The following NCOR2 variants were observed in gnomAD, a reference collection of about 807,000 sequenced individuals.
NCOR2 encodes the protein nuclear receptor corepressor 2.
Under a neutral mutation model 262.9 loss-of-function variants are expected in NCOR2, and 81 were observed. The ratio of observed to expected loss-of-function variants is 0.31; its 90% CI spans 0.26 to 0.37. The LOEUF is 0.37. Ranked by LOEUF, NCOR2 falls within the 10% of genes least tolerant of loss-of-function variation. NCOR2 has a pLI of 1.00. For missense variants in NCOR2, 3,385 were observed against 3,621.4 expected, an observed-to-expected ratio of 0.93 and a Z score of 1.68; for synonymous variants, 1,659 against 1,559.3, an observed-to-expected ratio of 1.06 and a Z score of -1.51.
rs77444182 is a variant in NCOR2 at position 124,357,569 on chromosome 12, T to G, written c.3101-787A>C. 3.9e-3 allele frequency among the ~76,000 whole-genome samples: 595 copies of G among 152,372 alleles called. 1 individual carries two copies. Among genetic ancestry groups the G allele is most frequent in the African/African-American group, 0.013 (561 of 41,596 alleles). ...ACCTTGGCCTCCAGAGTGCTGGAATTACAGGCGTGAGCCCCCACGCCTGGC... is the reference window on the plus strand; with the variant it reads ...ACCTTGGCCTCCAGAGTGCTGGAATGACAGGCGTGAGCCCCCACGCCTGGC... On this transcript the variant is annotated intron_variant, in intron 22 of 46. Transcript: ENST00000405201.
rs2045935004 is a variant in NCOR2 at position 124,457,380 on chromosome 12, A to T, written c.706-218T>A. The stretch of plus-strand genomic sequence containing the variant: ...ACCCCCACAGCGGCCCCAGCAAGCC[A>T]GCCAAGTTTCGATTTTAGCAAATGC... On this transcript the variant is annotated intron_variant, in intron 5 of 46. Transcript: ENST00000405201. The surrounding 1 kb of genome is among the most constrained non-coding windows in gnomAD (Gnocchi z 4.0). 6.6e-6 allele frequency among the ~76,000 whole-genome samples: 1 copy of T among 151,884 alleles called. No homozygotes were observed. The highest frequency in any genetic ancestry group is 2.4e-5 in the African/African-American group (1 of 41,320).
At chr12:124,347,747 G>GC in intron 30 of NCOR2, 78 bp downstream of exon 32, 1 of 1,422,142 alleles carries the variant, frequency 7.0e-7, no homozygotes, top group Non-Finnish European at 9.7e-7. Flanking sequence ...CCACACTCTG[G>GC]CTGTGTCTCT....
At chr12:124,415,700 A>G (rs2042821860) in intron 13 of NCOR2, among the ~76,000 whole-genome samples, 1 of 152,220 alleles carries the variant, frequency 6.6e-6, no homozygotes, top group Non-Finnish European at 1.5e-5. Context: ...CGGCAGCTTC[A>G]GCAGGGGATA....
chr12:124,445,117 G>C (rs948253290), intron 7 of NCOR2, among the ~76,000 whole-genome samples: 4 of 152,192 alleles, frequency 2.6e-5, no homozygotes, highest in African/African-American at 9.7e-5. Context: ...GGAAGAAACC[G>C]GCTTCCAGGC....
rs2047504692 is a variant in NCOR2 at position 124,481,779 on chromosome 12, A to G, written c.411+1817T>C. Among the ~76,000 whole-genome samples the G allele has an allele frequency of 6.6e-6, 1 of 152,098 alleles. No homozygotes were observed. Among genetic ancestry groups the G allele is most frequent in the Admixed American group, 6.5e-5 (1 of 15,284 alleles). ...AGGAGCCATGGATGGTTTGGAGCAC[A>G]GGGGGGAACACACAGGGGGATGCAG... On this transcript the variant is annotated intron_variant, in intron 3 of 46. Coordinates refer to ENST00000405201, the Ensembl canonical transcript of NCOR2. The surrounding 1 kb of genome is among the most constrained non-coding windows in gnomAD (Gnocchi z 4.6).
chr12:124,339,219 A>ACCCCCCCCCCCCCC (rs1555300759), intron 37 of NCOR2, among the ~76,000 whole-genome samples: 3 of 63,316 alleles, frequency 4.7e-5, no homozygotes, highest in Non-Finnish European at 8.6e-5. Flanking sequence ...TCTACCTACC[A>ACCCCCCCCCCCCCC]CCCACCCACC....
At chr12:124,494,654 C>T (rs575296226) in intron 1 of NCOR2, among the ~76,000 whole-genome samples, 10 of 152,292 alleles carry the variant, frequency 6.6e-5, no homozygotes, top group East Asian at 5.8e-4. Context: ...GAGGCAGAAA[C>T]GCAACCTGTG....
rs558605888 is a variant in NCOR2, at chr12:124,474,833, C to A, written c.412-1702G>T. Among the ~76,000 whole-genome samples the A allele has an allele frequency of 4.6e-5, 7 of 152,286 alleles. No homozygotes were observed. The East Asian group carries it at 1.4e-3, about 29-fold the overall frequency. The stretch of plus-strand genomic sequence containing the variant: ...GCCCTGTGCCATCCTTGGGGCCAAG[C>A]CGGCAGCTGCTGGCAGACAAGGCCC... On this transcript the variant is annotated intron_variant, in intron 3 of 46. Coordinates refer to ENST00000405201, the Ensembl canonical transcript of NCOR2.
At chr12:124,396,504 G>A (rs1393332653) in intron 16 of NCOR2, among the ~76,000 whole-genome samples, 1 of 144,008 alleles carries the variant, frequency 6.9e-6, no homozygotes, top group African/African-American at 2.7e-5. Context: ...AGCAGCCCCA[G>A]GCCCTACCAG....
At chr12:124,330,700 C>T in intron 44 of NCOR2, 145 bp downstream of exon 46, 1 of 846,208 alleles carries the variant, frequency 1.2e-6, no homozygotes, top group Non-Finnish European at 1.9e-6. Context: ...GACTCTGAAT[C>T]CTACTGTGCG....
chr12:124,497,853 G>T (rs1344173682), upstream of NCOR2, among the ~76,000 whole-genome samples: 1 of 152,198 alleles, frequency 6.6e-6, no homozygotes, highest in Non-Finnish European at 1.5e-5. This position sits in a 1 kb window ranked among gnomAD's most constrained non-coding sequence, Gnocchi z 4.2. Context: ...GGCACAGCTA[G>T]CCCTGCCCGG....
At chr12:124,326,356 C>T (rs757056972) in exon 46 of NCOR2, 3 of 1,497,802 alleles carry the variant, frequency 2.0e-6, no homozygotes, top group South Asian at 2.6e-5. Context: ...GAGACCTTGG[C>T]CTTCCCGCCG....
At position 124,503,499 on chromosome 12, in the gene NCOR2, T is replaced by C. The variant is rs1362427435; in HGVS notation, c.-117-8131A>G. On this transcript the variant is annotated intron_variant, in intron 1 of 46. Transcript: ENST00000404621. This position sits in a 1 kb window ranked among gnomAD's most constrained non-coding sequence, Gnocchi z 4.3. ...GATGGATGGATGATGGATTGATGGA[T>C]GGATGGATGGATGGACAGAGGATGG... is the stretch of plus-strand genomic sequence containing the variant. 6.7e-6 allele frequency among the ~76,000 whole-genome samples: 1 copy of C among 149,038 alleles called. No homozygotes were observed. Among genetic ancestry groups the C allele is most frequent in the African/African-American group, 2.5e-5 (1 of 39,826 alleles).
rs140009199 is a variant in NCOR2 at position 124,447,604 on chromosome 12, A to G, written c.815+2211T>C. 2.4e-3 allele frequency among the ~76,000 whole-genome samples: 360 copies of G among 152,358 alleles called. 2 individuals carry two copies. Among genetic ancestry groups the G allele is most frequent in the African/African-American group, 7.9e-3 (328 of 41,582 alleles). On this transcript the variant is annotated intron_variant, in intron 7 of 46. Coordinates refer to ENST00000405201, the Ensembl canonical transcript of NCOR2. ...AATTATTATGTCAAAAAGAAAAATC[A>G]TAACTAGGTATATGAAGGCGTAAAG...
intron 3 of NCOR2, among the ~76,000 whole-genome samples, chr12:124,479,809 G>A (rs566456781): frequency 6.6e-6 from 1 of 152,368 alleles, no homozygotes; most frequent in East Asian, 1.9e-4. Flanking sequence ...CACAGCAGCA[G>A]GTCAACCTGG....
intron 3 of NCOR2, among the ~76,000 whole-genome samples, chr12:124,475,991 A>G (rs1214509604): frequency 6.6e-6 from 1 of 152,112 alleles, no homozygotes; most frequent in African/African-American, 2.4e-5. Context: ...ACCTCCAGAA[A>G]CTCAAGGCAA....
intron 44 of NCOR2, among the ~76,000 whole-genome samples, chr12:124,329,907 T>C (rs1208535524): frequency 1.3e-5 from 2 of 152,170 alleles, no homozygotes. Flanking sequence ...TTCGACCAAA[T>C]TGTCTTCTTC....
intron 37 of NCOR2, among the ~76,000 whole-genome samples, chr12:124,339,504 A>G (rs899453760): frequency 3.7e-5 from 5 of 134,272 alleles, no homozygotes; most frequent in Non-Finnish European, 8.0e-5. Flanking sequence ...CAGCTAACCC[A>G]GCTATCTATC....
chr12:124,512,797 CT>C (rs2049475875), intron 1 of NCOR2, among the ~76,000 whole-genome samples: 1 of 152,220 alleles, frequency 6.6e-6, no homozygotes, highest in African/African-American at 2.4e-5. Flanking sequence ...ACAGTAGCCG[CT>C]GGGTATTGGC....
Sources: allele counts gnomAD v4.1 joint callset (sites outside exome capture counted in the v4.1 genomes callset), GRCh38; gene constraint gnomAD v4.1.1; non-coding constraint Gnocchi (gnomAD v3.1); transcripts MANE v1.5; gene names NCBI Gene and HGNC (gene_info 2026-07-23, HGNC 2026-07-21).